The following FOXP1 variants were observed in gnomAD, a reference collection of about 807,000 sequenced individuals.
FOXP1 encodes the protein forkhead box protein P1.
Under a neutral mutation model 98.2 loss-of-function variants are expected in FOXP1, and 15 were observed. That is an observed-to-expected ratio of 0.15 (90% CI 0.10 to 0.24). The LOEUF is 0.24. Among genes scored for constraint, FOXP1 ranks in the 10% least tolerant of loss-of-function variants. The pLI is 1.00. For synonymous variants in FOXP1, 371 were observed against 314.5 expected, an observed-to-expected ratio of 1.18 and a Z score of -1.90; for missense variants, 633 against 848.5, an observed-to-expected ratio of 0.75 and a Z score of 3.15.
At chr3:71,472,943 A>T (rs2089492469) in intron 3 of FOXP1, among the ~76,000 whole-genome samples, 1 of 152,162 alleles carries the variant, frequency 6.6e-6, no homozygotes, top group Non-Finnish European at 1.5e-5. Context: ...GGATTTTTTT[A>T]AATTTCAACT....
intron 5 of FOXP1, among the ~76,000 whole-genome samples, chr3:71,209,884 T>C (rs2108451909): frequency 6.6e-6 from 1 of 152,354 alleles, no homozygotes; most frequent in South Asian, 2.1e-4. Flanking sequence ...TTACTTAAAA[T>C]TTAATAAGCA....
At chr3:71,118,063 C>T (rs993077355) in intron 6 of FOXP1, among the ~76,000 whole-genome samples, 1 of 152,106 alleles carries the variant, frequency 6.6e-6, no homozygotes, top group Non-Finnish European at 1.5e-5. Context: ...CATCTATGCC[C>T]GGATCTGCAC....
At chr3:71,232,962 C>T (rs550159408) in intron 5 of FOXP1, among the ~76,000 whole-genome samples, 23 of 149,102 alleles carry the variant, frequency 1.5e-4, no homozygotes, top group Non-Finnish European at 3.4e-4. Flanking sequence ...ACCACCACCA[C>T]GACTACTACT....
chr3:71,016,682 C>CACAT (rs2044542969), intron 11 of FOXP1, among the ~76,000 whole-genome samples: 1 of 151,742 alleles, frequency 6.6e-6, no homozygotes, highest in Admixed American at 6.6e-5. Context: ...CACACACACA[C>CACAT]ACACACACAT....
chr3:71,130,134 T>C (rs1404966323), intron 6 of FOXP1, among the ~76,000 whole-genome samples: 1 of 152,082 alleles, frequency 6.6e-6, no homozygotes, highest in Non-Finnish European at 1.5e-5. Context: ...TTACTACTTG[T>C]GATAACAGGA....
intron 6 of FOXP1, among the ~76,000 whole-genome samples, chr3:71,133,549 C>T (rs1382153989): frequency 1.3e-5 from 2 of 152,204 alleles, no homozygotes; most frequent in East Asian, 3.9e-4. Context: ...ATCCCCGTGG[C>T]CATTGTAGAG....
chr3:71,393,712 G>A (rs1423678991), intron 3 of FOXP1, among the ~76,000 whole-genome samples: 1 of 152,166 alleles, frequency 6.6e-6, no homozygotes, highest in Non-Finnish European at 1.5e-5. Flanking sequence ...CCAGTAATCT[G>A]AGATAATCTT....
At chr3:71,540,152 T>TG (rs2044675209) in intron 2 of FOXP1, among the ~76,000 whole-genome samples, 1 of 152,282 alleles carries the variant, frequency 6.6e-6, no homozygotes, top group Non-Finnish European at 1.5e-5. Context: ...TTCTCAAGCA[T>TG]GACACAAGTT....
rs140567786 is a variant in FOXP1 at position 71,345,252 on chromosome 3, G to A, written c.-73+13898C>T. Among the ~76,000 whole-genome samples, 954 of 152,130 alleles carry A rather than the reference G, an allele frequency of 6.3e-3. 5 individuals are homozygous for A. Among genetic ancestry groups the A allele is most frequent in the Middle Eastern group, 0.024 (7 of 294 alleles). On this transcript the variant is annotated intron_variant, in intron 4 of 20. Coordinates refer to ENST00000649528, the MANE Select transcript of FOXP1 (RefSeq NM_001349338.3). Reference sequence around the variant, plus strand: ...AAAATACAAAAATTCGCTGGGTGTGGTGGTGCACACCTGTAGTCCCAGCTA... The same window carrying A: ...AAAATACAAAAATTCGCTGGGTGTGATGGTGCACACCTGTAGTCCCAGCTA...
At chr3:71,079,500 A>G in intron 7 of FOXP1, among the ~76,000 whole-genome samples, 1 of 152,054 alleles carries the variant, frequency 6.6e-6, no homozygotes, top group Admixed American at 6.5e-5. Flanking sequence ...CTCCCTCGAC[A>G]CAGACAATTT....
At chr3:71,130,850 A>C (rs774405485) in intron 6 of FOXP1, 2 of 1,430,486 alleles carry the variant, frequency 1.4e-6, no homozygotes, top group African/African-American at 1.4e-5. Flanking sequence ...TAGCACTTAA[A>C]GAAATCTATT....
intron 2 of FOXP1, among the ~76,000 whole-genome samples, chr3:71,500,775 C>T (rs926539733): frequency 5.3e-5 from 8 of 152,202 alleles, no homozygotes; most frequent in African/African-American, 1.9e-4. Flanking sequence ...CTGTCACCTA[C>T]CCTCAAGGAA....
At chr3:71,228,375 T>C (rs1211258622) in intron 5 of FOXP1, among the ~76,000 whole-genome samples, 2 of 152,024 alleles carry the variant, frequency 1.3e-5, no homozygotes, top group African/African-American at 4.8e-5. Context: ...GTACTCTAAA[T>C]GTGCATTAAA....
Position 71,019,551 on chromosome 3 carries a change from C to T in FOXP1, c.870-3898G>A, listed in dbSNP as rs568381956. ...CTCCGACAGAACATAGGTTTGAGTT[C>T]GGGGGCGGTGGCTCACGCCTGTAAT... On this transcript the variant is annotated intron_variant, in intron 11 of 20. Transcript: ENST00000649528. Among the ~76,000 whole-genome samples the T allele has an allele frequency of 3.9e-5, 6 of 152,170 alleles. No individual in the cohort carries two copies. In the East Asian group the frequency reaches 1.2e-3, roughly 29 times the overall value.
chr3:71,523,510 A>G (rs1447723956), intron 2 of FOXP1, among the ~76,000 whole-genome samples: 1 of 152,196 alleles, frequency 6.6e-6, no homozygotes, highest in African/African-American at 2.4e-5. Flanking sequence ...CAAGATGCCA[A>G]TATATTGTTT....
chr3:71,196,704 G>A (rs746768534), intron 6 of FOXP1, among the ~76,000 whole-genome samples: 3 of 152,142 alleles, frequency 2.0e-5, no homozygotes, highest in African/African-American at 4.8e-5. Flanking sequence ...ACAAATACAC[G>A]GAGACCCTTT....
At chr3:71,529,596 G>A (rs2043667599) in intron 2 of FOXP1, among the ~76,000 whole-genome samples, 1 of 152,198 alleles carries the variant, frequency 6.6e-6, no homozygotes, top group South Asian at 2.1e-4. Context: ...TTCCAGAGAG[G>A]GGAGAGGGAC....
intron 4 of FOXP1, among the ~76,000 whole-genome samples, chr3:71,324,061 T>C (rs957409066): frequency 6.6e-6 from 1 of 151,950 alleles, no homozygotes; most frequent in Non-Finnish European, 1.5e-5. Context: ...ATATCTATCA[T>C]TTAAATATAC....
At chr3:71,339,678 T>C (rs2076900473) in intron 4 of FOXP1, among the ~76,000 whole-genome samples, 1 of 152,232 alleles carries the variant, frequency 6.6e-6, no homozygotes, top group South Asian at 2.1e-4. Context: ...TACTTCATAT[T>C]TGTGAACCAG....
Sources: gnomAD v4.1 joint callset for allele counts (sites outside exome capture counted in the v4.1 genomes callset) on GRCh38, gnomAD v4.1.1 for gene constraint, MANE v1.5 for transcripts, NCBI Gene and HGNC (gene_info 2026-07-23, HGNC 2026-07-21) for gene names.